The following SLC35F3 variants were observed in gnomAD, a reference collection of about 807,000 sequenced individuals.
SLC35F3 encodes solute carrier family 35 member F3.
A neutral mutation model predicts 49.9 loss-of-function variants in SLC35F3; 25 were observed. The observed-to-expected ratio is 0.50, with a 90% CI of 0.37 to 0.70. The LOEUF is 0.70. SLC35F3 is among the 30% of genes least tolerant of loss of function. The probability of loss-of-function intolerance (pLI) is 0.00; values close to 1 mark genes in which losing one functional copy is unlikely to be tolerated. For missense variants in SLC35F3, 525 were observed against 639.8 expected (o/e 0.82, Z 1.94); for synonymous variants, 275 against 265.4 (o/e 1.04, Z -0.35).
At chr1:234,228,554 G>T (rs1265277120) in intron 2 of SLC35F3, among the ~76,000 whole-genome samples, 1 of 152,192 alleles carries the variant, frequency 6.6e-6, no homozygotes, top group Non-Finnish European at 1.5e-5. Flanking sequence ...TGATTGAAAG[G>T]CTCTGAGGAT....
chr1:233,945,004 C>A (rs1215768774), intron 2 of SLC35F3, among the ~76,000 whole-genome samples: 1 of 151,888 alleles, frequency 6.6e-6, no homozygotes, highest in Non-Finnish European at 1.5e-5. Context: ...TTGGATGAAA[C>A]CACTGGTGTG....
At chr1:233,909,326 A>G (rs1571974688) in intron 2 of SLC35F3, among the ~76,000 whole-genome samples, 1 of 152,138 alleles carries the variant, frequency 6.6e-6, no homozygotes, top group Admixed American at 6.5e-5. Context: ...GAACCAAACC[A>G]CTTGGCAGTA....
intron 2 of SLC35F3, among the ~76,000 whole-genome samples, chr1:234,188,496 C>A (rs1332706944): frequency 6.6e-6 from 1 of 152,214 alleles, no homozygotes; most frequent in Admixed American, 6.5e-5. Flanking sequence ...GAACACAATT[C>A]TATTGACCTG....
intron 2 of SLC35F3, among the ~76,000 whole-genome samples, chr1:234,178,462 A>C (rs373191556): frequency 3.4e-5 from 1 of 29,364 alleles, no homozygotes; most frequent in African/African-American, 1.2e-4. Context: ...TCTCCTAAGG[A>C]AAAAAAAAAA....
intron 4 of SLC35F3, among the ~76,000 whole-genome samples, chr1:234,312,707 A>T (rs6658241): frequency 0.27 from 40,727 of 152,114 alleles, 5,767 homozygotes; most frequent in African/African-American, 0.32. Context: ...GGAGGGAAAG[A>T]GTTGGGGGAA....
intron 2 of SLC35F3, among the ~76,000 whole-genome samples, chr1:233,975,034 G>A (rs150186554): frequency 7.2e-5 from 11 of 152,324 alleles, no homozygotes; most frequent in Admixed American, 2.6e-4. Context: ...AGGCTGCAAA[G>A]TAGAGGCTCT....
Position 233,926,538 on chromosome 1 carries a change from G to GT in SLC35F3, c.283+20786dup, listed in dbSNP as rs1454189467. On this transcript the variant is annotated intron_variant, in intron 2 of 7. Coordinates refer to ENST00000366618, the MANE Select transcript of SLC35F3 (RefSeq NM_173508.4). ...TATTCTAGTTAGCCATTCATCTAAT[G>GT]TTTTTTCAAGGTTTTTAGCTTCTTT... Among the ~76,000 whole-genome samples the GT allele has an allele frequency of 3.9e-5, 6 of 152,110 alleles. No individual in the cohort carries two copies. The South Asian group carries it at 6.2e-4, about 16-fold the overall frequency.
rs594646 is a variant in SLC35F3, at chr1:234,320,499, T to A, written c.1237+312T>A. Among the ~76,000 whole-genome samples the A allele has an allele frequency of 0.33, 50,127 of 152,070 alleles. 8,628 individuals are homozygous for A. Among genetic ancestry groups the A allele is most frequent in the East Asian group, 0.55 (2,855 of 5,166 alleles). ...ACATACCACTTCAAGACACAGAAAG[T>A]CTAAAGGCATCTTGATTCTAACTGG... is the stretch of plus-strand genomic sequence containing the variant. On this transcript the variant is annotated intron_variant, in intron 7 of 7. Transcript: ENST00000366618. This position sits in a 1 kb window ranked among gnomAD's most constrained non-coding sequence, Gnocchi z 4.8.
At chr1:234,149,104 T>C (rs917405100) in intron 2 of SLC35F3, among the ~76,000 whole-genome samples, 5 of 152,170 alleles carry the variant, frequency 3.3e-5, no homozygotes, top group African/African-American at 4.8e-5. Context: ...TAGGAGTCAT[T>C]GGCACATAAA....
At chr1:233,914,286 T>C (rs1661932647) in intron 2 of SLC35F3, among the ~76,000 whole-genome samples, 1 of 152,158 alleles carries the variant, frequency 6.6e-6, no homozygotes, top group Non-Finnish European at 1.5e-5. Flanking sequence ...GTCTCCCATA[T>C]GGATAGAGAG....
intron 2 of SLC35F3, among the ~76,000 whole-genome samples, chr1:233,961,350 C>G (rs1010282992): frequency 1.3e-5 from 2 of 151,808 alleles, no homozygotes; most frequent in East Asian, 1.9e-4. Context: ...CCACCCAGAA[C>G]TACTGAGAAG....
intron 2 of SLC35F3, among the ~76,000 whole-genome samples, chr1:233,914,775 T>C (rs1287209793): frequency 1.3e-5 from 2 of 152,070 alleles, no homozygotes; most frequent in Admixed American, 6.5e-5. Flanking sequence ...TTTTTGTACA[T>C]GATGTCTTTT....
At chr1:234,088,388 A>C (rs1664991160) in intron 2 of SLC35F3, among the ~76,000 whole-genome samples, 1 of 152,140 alleles carries the variant, frequency 6.6e-6, no homozygotes, top group African/African-American at 2.4e-5. Context: ...TTGTATTTTT[A>C]GTAGAAAGGG....
intron 2 of SLC35F3, among the ~76,000 whole-genome samples, chr1:234,088,637 T>C (rs1483983403): frequency 3.3e-5 from 5 of 152,244 alleles, no homozygotes; most frequent in Admixed American, 2.0e-4. Context: ...TCTAGTACTT[T>C]TTAAGCATGC....
chr1:234,299,823 AAG>A (rs1553262673), intron 3 of SLC35F3, among the ~76,000 whole-genome samples: 2 of 150,414 alleles, frequency 1.3e-5, no homozygotes, highest in Non-Finnish European at 3.0e-5. Context: ...AAAAAAAAAA[AAG>A]AGAAGAAAAA....
At chr1:233,956,046 C>T (rs1662695651) in intron 2 of SLC35F3, among the ~76,000 whole-genome samples, 1 of 151,854 alleles carries the variant, frequency 6.6e-6, no homozygotes, top group Non-Finnish European at 1.5e-5. Flanking sequence ...CGCCACCACG[C>T]CTGGCTAATT....
chr1:233,932,754 C>G (rs1259784804), intron 2 of SLC35F3, among the ~76,000 whole-genome samples: 4 of 152,164 alleles, frequency 2.6e-5, no homozygotes, highest in Non-Finnish European at 5.9e-5. Context: ...CTATGGAAAT[C>G]AGAACCGGAA....
chr1:233,994,903 A>T (rs1278124059), intron 2 of SLC35F3, among the ~76,000 whole-genome samples: 1 of 152,108 alleles, frequency 6.6e-6, no homozygotes, highest in African/African-American at 2.4e-5. Flanking sequence ...TCATAACCTG[A>T]TGGGAAGAAC....
intron 2 of SLC35F3, among the ~76,000 whole-genome samples, chr1:234,061,105 G>A (rs954451349): frequency 1.3e-5 from 2 of 151,926 alleles, no homozygotes; most frequent in Non-Finnish European, 2.9e-5. Flanking sequence ...AGACTTACTT[G>A]CTTTCAGCCT....
Sources: allele counts gnomAD v4.1 joint callset (sites outside exome capture counted in the v4.1 genomes callset), GRCh38; gene constraint gnomAD v4.1.1; non-coding constraint Gnocchi (gnomAD v3.1); transcripts MANE v1.5; gene names NCBI Gene and HGNC (gene_info 2026-07-23, HGNC 2026-07-21).